The following LCA5L variants were observed in gnomAD, a reference collection of about 807,000 sequenced individuals.
LCA5L encodes lebercilin-like protein.
In LCA5L, 35 loss-of-function variants were observed where a neutral mutation model predicts 45.4. That is an observed-to-expected ratio of 0.77 (90% CI 0.59 to 1.02). The LOEUF is 1.02. Ranked by LOEUF, LCA5L falls within the 50% of genes least tolerant of loss-of-function variation. LCA5L has a pLI of 0.00. For missense variants in LCA5L, 668 were observed against 761.6 expected (o/e 0.88, Z 1.45); for synonymous variants, 233 against 264.7 (o/e 0.88, Z 1.16).
In LCA5L at chr21:39,406,558, C is replaced by G. The variant is rs372283171; in HGVS notation, c.1337G>C (p.Gly446Ala). ...GTCTTCTTTTTTGTCTTTTTGTCTT[C>G]CAGTATTCTCCAGCAGTATTTGGAC... ...LEVQILLENT[G>A]RQKDKKEDQE... is the part of the protein sequence containing the mutation. The change falls in exon 11 of 11, where the codon GGA (glycine) becomes GCA (alanine). Residue 446 changes from glycine to alanine, a missense_variant. Gly to Ala is a moderately conservative substitution (Grantham distance 60, BLOSUM62 0). Transcript: ENST00000288350. 38 of 1,608,346 alleles carry G rather than the reference C, an allele frequency of 2.4e-5. No homozygotes were observed. The African/African-American group carries it at 3.9e-4, about 17-fold the overall frequency.
At position 39,420,573 on chromosome 21, in the gene LCA5L, C is replaced by T. The variant is rs896584432; in HGVS notation, c.975+133G>A. The T allele has an allele frequency of 8.2e-5, 46 of 562,692 alleles. No homozygotes were observed. In the African/African-American group the frequency reaches 8.5e-4, roughly 10 times the overall value. 34.9% of individuals were successfully genotyped at this position (562,692 alleles called of 1,614,324 possible). On this transcript the variant is annotated intron_variant, in intron 7 of 10. Transcript: ENST00000288350. Reference sequence around the variant, plus strand: ...CAGAACTGTGGATGGGGGCCCAGGCCCCCTACAAAGGGTAGAGGAGCCTTA... The same window carrying T: ...CAGAACTGTGGATGGGGGCCCAGGCTCCCTACAAAGGGTAGAGGAGCCTTA...
intron 5 of LCA5L, 167 bp downstream of exon 5, chr21:39,428,005 C>G: frequency 1.8e-6 from 1 of 541,192 alleles, no homozygotes; most frequent in Non-Finnish European, 3.3e-6. Flanking sequence ...TATAATTACT[C>G]TTAATTTCTC....
intron 5 of LCA5L, 66 bp downstream of exon 5, chr21:39,428,106 C>G (rs1601883247): frequency 1.2e-6 from 1 of 868,912 alleles, no homozygotes. Flanking sequence ...ACTTCAAACA[C>G]TAGTGCAGTA....
chr21:39,417,973 T>A (rs539437761), intron 7 of LCA5L, among the ~76,000 whole-genome samples: 12 of 152,210 alleles, frequency 7.9e-5, no homozygotes, highest in South Asian at 2.1e-4. Flanking sequence ...TCGCCGTGTT[T>A]GCCAGGATTG....
intron 10 of LCA5L, among the ~76,000 whole-genome samples, chr21:39,408,931 T>C (rs2039583043): frequency 6.6e-6 from 1 of 152,206 alleles, no homozygotes; most frequent in South Asian, 2.1e-4. Context: ...ATTTGAATAA[T>C]TTGCTACTCA....
At chr21:39,414,736 CTCTCTCTG>C (rs1426264974) in intron 7 of LCA5L, among the ~76,000 whole-genome samples, 11 of 92,288 alleles carry the variant, frequency 1.2e-4, no homozygotes, top group African/African-American at 4.1e-4. Context: ...CTCTCTCTCT[CTCTCTCTG>C]TGTGTGTGTG....
At chr21:39,426,833 C>A (rs1333659984) in intron 5 of LCA5L, among the ~76,000 whole-genome samples, 1 of 152,070 alleles carries the variant, frequency 6.6e-6, no homozygotes, top group African/African-American at 2.4e-5. Context: ...CATTTCCTGC[C>A]CTGGGCCTTG....
intron 5 of LCA5L, among the ~76,000 whole-genome samples, chr21:39,424,797 C>T (rs1039354060): frequency 1.3e-5 from 2 of 152,162 alleles, no homozygotes; most frequent in African/African-American, 4.8e-5. Flanking sequence ...GGCATGTGTC[C>T]AGGGGTCTAT....
intron 7 of LCA5L, among the ~76,000 whole-genome samples, chr21:39,412,779 A>G (rs1444034328): frequency 6.6e-6 from 1 of 152,192 alleles, no homozygotes; most frequent in Non-Finnish European, 1.5e-5. Context: ...CAAGCCCCTT[A>G]AAAAGCGCCT....
At chr21:39,414,714 CT>C in intron 7 of LCA5L, among the ~76,000 whole-genome samples, 3 of 100,080 alleles carry the variant, frequency 3.0e-5, no homozygotes, top group African/African-American at 1.2e-4. Context: ...GGTTCTCTCC[CT>C]CTCTCTCTCT....
chr21:39,406,044 A>G lies in LCA5L; in HGVS notation c.1851T>C (p.Gly617=), dbSNP rs2039029937. ...AAGGCTCCTCTGAGCCTTTTGCAACACCAGGACTTGATTGGTCAGTTTTCA... is the reference window on the plus strand; with the variant it reads ...AAGGCTCCTCTGAGCCTTTTGCAACGCCAGGACTTGATTGGTCAGTTTTCA... ...YVLKTDQSSP[G]VAKGSEEPLQ... Residue 617 remains glycine, a synonymous_variant, in exon 11 of 11, where the codon GGT becomes GGC. Coordinates refer to ENST00000288350, the MANE Select transcript of LCA5L (RefSeq NM_152505.4). The G allele has an allele frequency of 6.2e-7, 1 of 1,614,108 alleles. No individual in the cohort carries two copies. Among genetic ancestry groups the G allele is most frequent in the Non-Finnish European group, 8.5e-7 (1 of 1,180,038 alleles).
chr21:39,426,161 C>T (rs1332065637), intron 5 of LCA5L: 1 of 152,184 alleles, frequency 6.6e-6, no homozygotes, highest in Non-Finnish European at 1.5e-5. Flanking sequence ...ACTTTCCTGT[C>T]TACCCTAGTG....
Position 39,428,213 on chromosome 21 carries a change from T to G in LCA5L, c.281A>C (p.Glu94Ala). The change falls in exon 5 of 11, where the codon GAG becomes GCG. Residue 94 changes from glutamate to alanine, a missense_variant. Physicochemically the swap from Glu to Ala is moderately radical, Grantham distance 107. Coordinates refer to ENST00000288350, the MANE Select transcript of LCA5L (RefSeq NM_152505.4). ...YLKQPVVKEKEKKKYNVSKIS... is the reference protein window; with the variant it reads ...YLKQPVVKEKAKKKYNVSKIS... ...TTTAGAAACATTATACTTTTTCTTCTCCTTTTCTTTTACCACAGGCTGCTT... is the reference window on the plus strand; with the variant it reads ...TTTAGAAACATTATACTTTTTCTTCGCCTTTTCTTTTACCACAGGCTGCTT... 6.3e-7 allele frequency: 1 copy of G among 1,599,392 alleles called. No individual in the cohort carries two copies. The highest frequency in any genetic ancestry group is 8.5e-7 in the Non-Finnish European group (1 of 1,170,756).
chr21:39,407,586 C>A (rs2039303642), intron 10 of LCA5L, among the ~76,000 whole-genome samples: 1 of 152,202 alleles, frequency 6.6e-6, no homozygotes, highest in Non-Finnish European at 1.5e-5. Context: ...ATGGCACGTG[C>A]AGTCTGTGGA....
At chr21:39,416,507 C>T (rs1435675719) in intron 7 of LCA5L, among the ~76,000 whole-genome samples, 5 of 152,114 alleles carry the variant, frequency 3.3e-5, no homozygotes, top group Non-Finnish European at 5.9e-5. Flanking sequence ...TTTAGGGAGC[C>T]TTGGTTTGTT....
chr21:39,428,083 CTG>C lies in LCA5L; in HGVS notation c.322+87_322+88del, dbSNP rs902343826. ...TTTACAATATGGGAAAACAATAAAACTGAGTATGAACCACTTCAAACACTAGT... is the reference window on the plus strand; with the variant it reads ...TTTACAATATGGGAAAACAATAAAACAGTATGAACCACTTCAAACACTAGT... On this transcript the variant is annotated intron_variant, in intron 5 of 10. Transcript: ENST00000288350. 7.7e-5 allele frequency: 56 copies of C among 731,566 alleles called. No homozygotes were observed. The African/African-American group carries it at 8.3e-4, about 11-fold the overall frequency. The allele number at this position is 731,566 out of a possible 1,614,324, so 45.3% of individuals were successfully genotyped here.
chr21:39,424,185 G>A (rs938752608), intron 5 of LCA5L, among the ~76,000 whole-genome samples: 9 of 152,060 alleles, frequency 5.9e-5, no homozygotes, highest in East Asian at 3.9e-4. Context: ...GCTAATTTTT[G>A]TATTTTTAGT....
intron 10 of LCA5L, among the ~76,000 whole-genome samples, chr21:39,408,231 A>G (rs1253543620): frequency 6.6e-6 from 1 of 152,244 alleles, no homozygotes; most frequent in Middle Eastern, 3.2e-3. Context: ...AGAGTTTCCT[A>G]TCTAGGCAAG....
At chr21:39,417,179 C>T (rs370889499) in intron 7 of LCA5L, among the ~76,000 whole-genome samples, 16 of 151,996 alleles carry the variant, frequency 1.1e-4, no homozygotes, top group African/African-American at 1.9e-4. Flanking sequence ...ATTACAGGCG[C>T]GCACCACCAC....
Sources: gnomAD v4.1 joint callset for allele counts (sites outside exome capture counted in the v4.1 genomes callset) on GRCh38, gnomAD v4.1.1 for gene constraint, MANE v1.5 for transcripts, NCBI Gene and HGNC (gene_info 2026-07-23, HGNC 2026-07-21) for gene names.